The following CNGB3 variants were observed in gnomAD, a reference collection of about 807,000 sequenced individuals.
CNGB3 encodes the protein cyclic nucleotide-gated channel beta-3.
In CNGB3, 86 loss-of-function variants were observed where a neutral mutation model predicts 92.8. That is an observed-to-expected ratio of 0.93 (90% CI 0.78 to 1.11). CNGB3 has a LOEUF of 1.11. Ranked by LOEUF, CNGB3 falls within the 50% of genes least tolerant of loss-of-function variation. CNGB3 has a pLI of 0.00. For missense variants in CNGB3, 1,026 were observed against 956.8 expected, an observed-to-expected ratio of 1.07 and a Z score of -0.95; for synonymous variants, 333 against 332.7, an observed-to-expected ratio of 1.00 and a Z score of -0.01.
chr8:86,646,294 C>T (rs1014703832), intron 8 of CNGB3, among the ~76,000 whole-genome samples: 4 of 150,930 alleles, frequency 2.7e-5, no homozygotes, highest in African/African-American at 9.7e-5. Flanking sequence ...CCAGAAGTCT[C>T]TAGAGTTGTC....
In CNGB3 at chr8:86,598,041, G is replaced by A. The variant is rs181915336; in HGVS notation, c.1781+6052C>T. Among the ~76,000 whole-genome samples, 12 of 152,230 alleles carry A rather than the reference G, an allele frequency of 7.9e-5. No individual in the cohort carries two copies. The East Asian group carries it at 1.2e-3, about 15-fold the overall frequency. On this transcript the variant is annotated intron_variant, in intron 15 of 17. Coordinates refer to ENST00000320005, the MANE Select transcript of CNGB3 (RefSeq NM_019098.5). ...TAAAATAAAATAAAGAGAGCAAGGC[G>A]AGTCAGGTGCAACCTGAAGTAGAGA...
intron 10 of CNGB3, among the ~76,000 whole-genome samples, chr8:86,641,218 A>C (rs900819220): frequency 6.6e-6 from 1 of 152,038 alleles, no homozygotes; most frequent in African/African-American, 2.4e-5. Flanking sequence ...TAGTCTAAAA[A>C]GGGGAGGAAC....
chr8:86,674,805 T>C (rs1486871395), intron 3 of CNGB3, among the ~76,000 whole-genome samples: 3 of 151,790 alleles, frequency 2.0e-5, no homozygotes. Context: ...CAGGCTGGAG[T>C]GCAGTGGTAC....
rs540165071 is a variant in CNGB3 at position 86,671,904 on chromosome 8, C to G, written c.339-806G>C. ...CTTGTGAGACCTGAAGCCAAGAACC[C>G]GGTTGAGCCCACTCAGACTTCTGAT... On this transcript the variant is annotated intron_variant, in intron 3 of 17. Transcript: ENST00000320005. 4.6e-5 allele frequency among the ~76,000 whole-genome samples: 7 copies of G among 152,158 alleles called. No homozygotes were observed. In the East Asian group the frequency reaches 1.3e-3, roughly 29 times the overall value.
chr8:86,574,924 A>G lies in CNGB3; in HGVS notation c.*880T>C, dbSNP rs897953701. The stretch of plus-strand genomic sequence containing the variant: ...TAGAGTCTGCCTTCCTAACCTCATC[A>G]CTTTGTTTTACTAAAGCTTAATTTT... On this transcript the variant is annotated 3_prime_UTR_variant, in exon 18 of 18. Coordinates refer to ENST00000320005, the MANE Select transcript of CNGB3 (RefSeq NM_019098.5). 3.3e-5 allele frequency: 5 copies of G among 152,068 alleles called. No homozygotes were observed. The highest frequency in any genetic ancestry group is 3.3e-4 in the Admixed American group (5 of 15,266). 9.4% of individuals were successfully genotyped at this position (152,068 alleles called of 1,614,324 possible). A position where few individuals can be genotyped will look rare whatever the true frequency, so the allele number is the denominator to read the frequency against.
In CNGB3 at chr8:86,578,720, A is replaced by G; in HGVS notation, c.2072T>C (p.Leu691Pro). The G allele has an allele frequency of 9.9e-6, 16 of 1,614,082 alleles. No homozygotes were observed. Among genetic ancestry groups the G allele is most frequent in the Non-Finnish European group, 1.4e-5 (16 of 1,180,018 alleles). The change falls in exon 17 of 18, where the codon CTA (leucine) becomes CCA (proline). Residue 691 changes from leucine to proline, a missense_variant. By Grantham distance (98) the Leu-to-Pro change is moderately conservative. Coordinates refer to ENST00000320005, the MANE Select transcript of CNGB3 (RefSeq NM_019098.5). The part of the protein sequence containing the change: ...GGTGKASLAR[L>P]LKLKREQAAQ... The stretch of plus-strand genomic sequence containing the variant: ...TGCTTGCTCTCGCTTCAATTTGAGT[A>G]GTCTTGCAAGACTTGCTTTTCCTGT...
intron 3 of CNGB3, among the ~76,000 whole-genome samples, chr8:86,695,079 G>A (rs542053434): frequency 6.0e-4 from 92 of 152,332 alleles, no homozygotes; most frequent in African/African-American, 2.0e-3. Context: ...CGGATCACTC[G>A]CGGTAAGGAG....
chr8:86,701,147 A>G (rs1243830252), intron 3 of CNGB3, among the ~76,000 whole-genome samples: 1 of 152,156 alleles, frequency 6.6e-6, no homozygotes, highest in Non-Finnish European at 1.5e-5. Context: ...TTTAACAGCT[A>G]TGAGCTCATA....
At chr8:86,596,600 C>T (rs911312446) in intron 15 of CNGB3, among the ~76,000 whole-genome samples, 1 of 152,162 alleles carries the variant, frequency 6.6e-6, no homozygotes, top group Non-Finnish European at 1.5e-5. Context: ...CTTATGTGGA[C>T]CAGCCACTGC....
intron 3 of CNGB3, among the ~76,000 whole-genome samples, chr8:86,696,629 T>C (rs1046758849): frequency 2.6e-5 from 4 of 152,222 alleles, no homozygotes; most frequent in Non-Finnish European, 5.9e-5. Context: ...TTCCTATGAT[T>C]GTTATATCCT....
chr8:86,579,599 C>T lies in CNGB3; in HGVS notation c.1782-347G>A, dbSNP rs181041413. Among the ~76,000 whole-genome samples, 157 of 152,320 alleles carry T rather than the reference C, an allele frequency of 1.0e-3. 2 individuals carry two copies. The highest frequency in any genetic ancestry group is 3.6e-3 in the African/African-American group (149 of 41,572). On this transcript the variant is annotated intron_variant, in intron 15 of 17. Coordinates refer to ENST00000320005, the MANE Select transcript of CNGB3 (RefSeq NM_019098.5). The stretch of plus-strand genomic sequence containing the variant: ...GATCCACTTTTCACCTCTCCCCATG[C>T]TCCTTTGTTTCCCAGGAAGCTGACC...
intron 2 of CNGB3, among the ~76,000 whole-genome samples, chr8:86,735,069 T>C (rs1402045253): frequency 8.5e-6 from 1 of 117,160 alleles, no homozygotes; most frequent in African/African-American, 2.9e-5. Flanking sequence ...TTTTTTTTTT[T>C]TGTATGGTAT....
At chr8:86,680,733 G>A (rs1438905199) in intron 3 of CNGB3, among the ~76,000 whole-genome samples, 1 of 152,068 alleles carries the variant, frequency 6.6e-6, no homozygotes, top group Non-Finnish European at 1.5e-5. Flanking sequence ...TCATAGTGTA[G>A]AAAGAATACG....
intron 3 of CNGB3, among the ~76,000 whole-genome samples, chr8:86,671,524 G>T (rs749665514): frequency 2.0e-5 from 3 of 152,198 alleles, no homozygotes; most frequent in Non-Finnish European, 2.9e-5. Context: ...TGGCACAGTT[G>T]ATAAGGAGAT....
intron 3 of CNGB3, chr8:86,704,209 A>C (rs899964754): frequency 1.1e-4 from 17 of 152,394 alleles, no homozygotes; most frequent in Admixed American, 1.0e-3. Context: ...CATAAAGAAG[A>C]GACCATATAT....
chr8:86,673,109 A>G (rs1196889182), intron 3 of CNGB3, among the ~76,000 whole-genome samples: 1 of 152,242 alleles, frequency 6.6e-6, no homozygotes, highest in Non-Finnish European at 1.5e-5. Flanking sequence ...TGTACTGCAA[A>G]TAGAAATATA....
chr8:86,643,126 T>C (rs1199476800), intron 10 of CNGB3, among the ~76,000 whole-genome samples: 1 of 151,190 alleles, frequency 6.6e-6, no homozygotes, highest in Non-Finnish European at 1.5e-5. Flanking sequence ...ACTCCCCTAC[T>C]ATCTATCAGA....
At chr8:86,706,091 A>AT (rs1824646446) in intron 3 of CNGB3, among the ~76,000 whole-genome samples, 1 of 152,230 alleles carries the variant, frequency 6.6e-6, no homozygotes, top group African/African-American at 2.4e-5. Context: ...ACAAAACACA[A>AT]TTCCTTTCAT....
At chr8:86,721,006 G>T (rs1824962141) in intron 3 of CNGB3, among the ~76,000 whole-genome samples, 1 of 151,784 alleles carries the variant, frequency 6.6e-6, no homozygotes, top group Non-Finnish European at 1.5e-5. Context: ...TTGCTCTGTT[G>T]TCCAGGCTGA....
Sources: allele counts gnomAD v4.1 joint callset (sites outside exome capture counted in the v4.1 genomes callset), GRCh38; gene constraint gnomAD v4.1.1; transcripts MANE v1.5; gene names NCBI Gene and HGNC (gene_info 2026-07-23, HGNC 2026-07-21).